The following DNAJC2 variants were observed in gnomAD, a reference collection of about 807,000 sequenced individuals.
The protein encoded by DNAJC2 is dnaJ homolog subfamily C member 2.
A neutral mutation model predicts 94.0 loss-of-function variants in DNAJC2; 32 were observed. The observed-to-expected ratio is 0.34, with a 90% confidence interval of 0.26 to 0.46. The LOEUF (loss-of-function observed/expected upper bound fraction) is 0.46. Among genes scored for constraint, DNAJC2 ranks in the 20% least tolerant of loss-of-function variants. The pLI, the probability that DNAJC2 is intolerant of heterozygous loss-of-function variation, is 1.00. For synonymous variants in DNAJC2, 210 were observed against 229.7 expected, an observed-to-expected ratio of 0.91 and a Z score of 0.77; for missense variants, 550 against 719.5, an observed-to-expected ratio of 0.76 and a Z score of 2.69.
Position 103,316,247 on chromosome 7 carries a change from T to G in DNAJC2, c.1428-159A>C, listed in dbSNP as rs1818047940. ...GCTGCTACTATAAATTCCTGTTGCCTGGACTACGGTTTTTGCTTTTCATGT... is the reference window on the plus strand; with the variant it reads ...GCTGCTACTATAAATTCCTGTTGCCGGGACTACGGTTTTTGCTTTTCATGT... On this transcript the variant is annotated intron_variant, in intron 13 of 16. Transcript: ENST00000379263. 3 of 451,518 alleles carry G rather than the reference T, an allele frequency of 6.6e-6. No individual in the cohort carries two copies. In the East Asian group the frequency reaches 1.0e-4, roughly 15 times the overall value. 28.0% of individuals were successfully genotyped at this position (451,518 alleles called of 1,614,324 possible). A position where few individuals can be genotyped will look rare whatever the true frequency, so the allele number is the denominator to read the frequency against.
chr7:103,337,040 A>G (rs781158187), intron 3 of DNAJC2: 1 of 152,172 alleles, frequency 6.6e-6, no homozygotes, highest in Non-Finnish European at 1.5e-5. Flanking sequence ...CTCAATATCC[A>G]TTCTCTAGAG....
intron 10 of DNAJC2, among the ~76,000 whole-genome samples, chr7:103,321,470 A>G (rs1021652718): frequency 5.3e-5 from 8 of 151,716 alleles, no homozygotes; most frequent in African/African-American, 1.2e-4. Flanking sequence ...GTGAGCCAAA[A>G]TCGTGCCATT....
In DNAJC2 at chr7:103,312,526, T is replaced by C; in HGVS notation, c.*43A>G. The C allele has an allele frequency of 6.3e-7, 1 of 1,591,858 alleles. No homozygotes were observed. Among genetic ancestry groups the C allele is most frequent in the Admixed American group, 1.8e-5 (1 of 54,402 alleles). ...ATTTTAAGAATGAAAATGTTTACAGTATTTTCAGTTTTATTATAAAAATGC... is the reference window on the plus strand; with the variant it reads ...ATTTTAAGAATGAAAATGTTTACAGCATTTTCAGTTTTATTATAAAAATGC... On this transcript the variant is annotated 3_prime_UTR_variant, in exon 17 of 17. Coordinates refer to ENST00000379263, the MANE Select transcript of DNAJC2 (RefSeq NM_014377.3).
intron 12 of DNAJC2, among the ~76,000 whole-genome samples, chr7:103,318,562 T>G (rs1018958856): frequency 2.6e-5 from 4 of 152,286 alleles, no homozygotes; most frequent in African/African-American, 9.6e-5. Flanking sequence ...TCCTTAAGGT[T>G]CTTCTCAGGT....
At chr7:103,336,197 T>G (rs1458444499) in intron 3 of DNAJC2, 1 of 152,190 alleles carries the variant, frequency 6.6e-6, no homozygotes, top group Non-Finnish European at 1.5e-5. Context: ...AACAGAAGCA[T>G]ATGAATGCTT....
chr7:103,321,232 T>C (rs189816974), intron 10 of DNAJC2, among the ~76,000 whole-genome samples: 3 of 152,004 alleles, frequency 2.0e-5, no homozygotes, highest in Admixed American at 2.0e-4. Flanking sequence ...GAAAAAGTTT[T>C]TTTGGCTGGG....
chr7:103,326,717 T>G lies in DNAJC2; in HGVS notation c.431-33A>C, dbSNP rs767154808. The G allele has an allele frequency of 2.6e-6, 4 of 1,561,574 alleles. No individual in the cohort carries two copies. The African/African-American group carries it at 4.1e-5, about 16-fold the overall frequency. On this transcript the variant is annotated intron_variant, in intron 4 of 16. Coordinates refer to ENST00000379263, the MANE Select transcript of DNAJC2 (RefSeq NM_014377.3). Reference sequence around the variant, plus strand: ...AAAAATTGTTAAGATCACATCACCATAACTTTACCTATTTTTTCCTGCAAG... The same window carrying G: ...AAAAATTGTTAAGATCACATCACCAGAACTTTACCTATTTTTTCCTGCAAG...
At chr7:103,312,887 G>A in intron 16 of DNAJC2, 60 bp downstream of exon 16, 1 of 1,566,198 alleles carries the variant, frequency 6.4e-7, no homozygotes, top group East Asian at 2.2e-5. Context: ...TAAAATATGA[G>A]CTATATCACC....
rs118010809 is a variant in DNAJC2, at chr7:103,316,639, T to C, written c.1427+191A>G. ...AAACAAGTATTCTGTCATATGTATA[T>C]GTGCATGTGTACTGATGCAATGGGT... On this transcript the variant is annotated intron_variant, in intron 13 of 16. Transcript: ENST00000379263. 2,717 of 581,914 alleles carry C rather than the reference T, an allele frequency of 4.7e-3. 12 individuals are homozygous for C. The highest frequency in any genetic ancestry group is 6.8e-3 in the Non-Finnish European group (2,242 of 329,340). 36.0% of individuals were successfully genotyped at this position (581,914 alleles called of 1,614,324 possible).
chr7:103,317,275 G>T, intron 12 of DNAJC2: 1 of 391,220 alleles, frequency 2.6e-6, no homozygotes. Flanking sequence ...CATTAGCCTT[G>T]GACACTAATT....
chr7:103,341,834 TC>T lies in DNAJC2; in HGVS notation c.184del (p.Glu62AsnfsTer15). 1.2e-6 allele frequency: 2 copies of T among 1,612,104 alleles called. No homozygotes were observed. The highest frequency in any genetic ancestry group is 1.7e-6 in the Non-Finnish European group (2 of 1,179,468). On this transcript the variant is annotated frameshift_variant, in exon 2 of 17. Transcript: ENST00000379263. LOFTEE classifies it high-confidence loss of function. ...ELEDKKELSE[E>X]SEDEELQLEE... ...CAACTGCAATTCTTCATCTTCTGAT[TC>T]CTCGGATAACTCTTTCTTATCCTCC...
chr7:103,343,269 G>T (rs1409646990), intron 1 of DNAJC2, among the ~76,000 whole-genome samples: 1 of 152,176 alleles, frequency 6.6e-6, no homozygotes, highest in Non-Finnish European at 1.5e-5. Flanking sequence ...CCAAAGTGCT[G>T]GGATTATAGA....
rs574994751 is a variant in DNAJC2, at chr7:103,327,512, T to C, written c.430+144A>G. On this transcript the variant is annotated intron_variant, in intron 4 of 16. Coordinates refer to ENST00000379263, the MANE Select transcript of DNAJC2 (RefSeq NM_014377.3). ...GTGTCGTGAGGCTCTGGGGTGATGA[T>C]TAGAAAGAACTTGATATAACTAAAA... The C allele has an allele frequency of 1.0e-4, 73 of 696,804 alleles. No homozygotes were observed. In the East Asian group the frequency reaches 2.1e-3, roughly 20 times the overall value. 43.2% of individuals were successfully genotyped at this position (696,804 alleles called of 1,614,324 possible).
chr7:103,328,223 G>GA (rs1818810733), intron 3 of DNAJC2, among the ~76,000 whole-genome samples: 2 of 152,028 alleles, frequency 1.3e-5, no homozygotes, highest in Non-Finnish European at 2.9e-5. Context: ...AGCCCGGCTT[G>GA]AAGTAATTAT....
Position 103,337,904 on chromosome 7 carries a change from G to A in DNAJC2, c.256-93C>T, listed in dbSNP as rs193203358. 3.7e-5 allele frequency: 33 copies of A among 899,022 alleles called. No homozygotes were observed. In the African/African-American group the frequency reaches 5.5e-4, roughly 15 times the overall value. 55.7% of individuals were successfully genotyped at this position (899,022 alleles called of 1,614,324 possible). ...GGTACCTTAATAAGCATTTCCCAAA[G>A]TGACATTTCATCAGGAGTCCAGTAA... On this transcript the variant is annotated intron_variant, in intron 2 of 16. Coordinates refer to ENST00000379263, the MANE Select transcript of DNAJC2 (RefSeq NM_014377.3).
intron 15 of DNAJC2, chr7:103,314,458 C>T (rs1204078458): frequency 3.5e-5 from 34 of 985,252 alleles, no homozygotes; most frequent in Non-Finnish European, 4.0e-5. Context: ...ACAGGGTCAC[C>T]TCTCCTCACA....
At chr7:103,316,761 T>C (rs1229519532) in intron 13 of DNAJC2, 69 bp downstream of exon 13, 1 of 1,272,824 alleles carries the variant, frequency 7.9e-7, no homozygotes, top group Non-Finnish European at 1.1e-6. Context: ...AGTGCTGCTA[T>C]TTGGAGTCTG....
intron 15 of DNAJC2, among the ~76,000 whole-genome samples, chr7:103,315,281 C>T (rs1817985861): frequency 6.6e-6 from 1 of 151,850 alleles, no homozygotes; most frequent in Admixed American, 6.6e-5. Context: ...GTATACTCTG[C>T]CTACATTCCC....
chr7:103,320,416 C>T (rs1818321357), intron 10 of DNAJC2, among the ~76,000 whole-genome samples: 1 of 151,970 alleles, frequency 6.6e-6, no homozygotes, highest in African/African-American at 2.4e-5. Context: ...TTCAGGTGTA[C>T]ATATTTCAGT....
Sources: gnomAD v4.1 joint callset for allele counts (sites outside exome capture counted in the v4.1 genomes callset) on GRCh38, gnomAD v4.1.1 for gene constraint, MANE v1.5 for transcripts, NCBI Gene and HGNC (gene_info 2026-07-23, HGNC 2026-07-21) for gene names.